The following ARHGEF7 variants were observed in gnomAD, a reference collection of about 807,000 sequenced individuals.
The protein encoded by ARHGEF7 is Rho guanine nucleotide exchange factor 7, also known as PAK-interacting exchange factor beta.
In ARHGEF7, 33 loss-of-function variants were observed where a neutral mutation model predicts 109.8. The observed-to-expected ratio is 0.30, with a 90% CI of 0.23 to 0.40. The LOEUF (loss-of-function observed/expected upper bound fraction) is 0.40, where lower values mean the gene tolerates loss of function less well. Among genes scored for constraint, ARHGEF7 ranks in the 10% least tolerant of loss-of-function variants. ARHGEF7 has a pLI of 1.00. For missense variants in ARHGEF7, 938 were observed against 1,098.5 expected, an observed-to-expected ratio of 0.85 and a Z score of 2.07; for synonymous variants, 458 against 424.6, an observed-to-expected ratio of 1.08 and a Z score of -0.97.
intron 8 of ARHGEF7, among the ~76,000 whole-genome samples, chr13:111,249,280 A>G (rs1330257053): frequency 2.0e-5 from 3 of 152,210 alleles, no homozygotes; most frequent in East Asian, 3.9e-4. Flanking sequence ...CCAAATGTCC[A>G]TCCTTCCCCA....
intron 12 of ARHGEF7, 39 bp from the exon 13 acceptor site, chr13:111,277,548 T>C (rs764738712): frequency 2.2e-6 from 3 of 1,339,144 alleles, no homozygotes; most frequent in Non-Finnish European, 3.2e-6. Flanking sequence ...TAAGTAGATG[T>C]TTTTTAAGAA....
Position 111,238,371 on chromosome 13 carries a change from A to G in ARHGEF7, c.759+5078A>G, listed in dbSNP as rs1446728080. ...GCCCTGACCTGGTAGTATTAAGTGG[A>G]CTGGCAACTGGCCTTAAGGCCTCCA... On this transcript the variant is annotated intron_variant, in intron 6 of 21. Transcript: ENST00000646102. Among the ~76,000 whole-genome samples, 5 of 152,230 alleles carry G rather than the reference A, an allele frequency of 3.3e-5. No homozygotes were observed. In the South Asian group the frequency reaches 6.2e-4, roughly 19 times the overall value.
chr13:111,247,429 C>T (rs1281032353), intron 8 of ARHGEF7, among the ~76,000 whole-genome samples: 1 of 151,988 alleles, frequency 6.6e-6, no homozygotes, highest in East Asian at 1.9e-4. Flanking sequence ...CCACCATGCC[C>T]AGCTAATTTT....
At chr13:111,265,432 T>C in intron 8 of ARHGEF7, 1 of 367,092 alleles carries the variant, frequency 2.7e-6, no homozygotes, top group South Asian at 2.0e-5. Context: ...GAACATGAGG[T>C]TTTTCCTAAT....
intron 5 of ARHGEF7, among the ~76,000 whole-genome samples, chr13:111,220,018 AG>A (rs941419611): frequency 2.0e-5 from 3 of 152,216 alleles, no homozygotes; most frequent in Admixed American, 2.0e-4. Flanking sequence ...GATGCAGTTT[AG>A]TCTGTGACTC....
intron 12 of ARHGEF7, 85 bp from the exon 13 acceptor site, chr13:111,277,502 A>C (rs2092555615): frequency 1.2e-6 from 1 of 801,218 alleles, no homozygotes; most frequent in Admixed American, 2.0e-5. Flanking sequence ...CATAGGGCCT[A>C]GTATAAATAA....
chr13:111,280,248 T>G (rs755928888), intron 13 of ARHGEF7, 24 bp from the exon 14 acceptor site: 12 of 1,591,830 alleles, frequency 7.5e-6, no homozygotes, highest in Middle Eastern at 1.7e-4. Flanking sequence ...TGTTTTTTTT[T>G]TTGTGGGGGG....
chr13:111,214,173 G>A (rs9560010), intron 4 of ARHGEF7, among the ~76,000 whole-genome samples: 25,344 of 152,130 alleles, frequency 0.17, 3,031 homozygotes, highest in East Asian at 0.69. Flanking sequence ...GTCAGTAGGC[G>A]TGCCTCCCTC....
chr13:111,178,005 A>G (rs2078334345), intron 2 of ARHGEF7, among the ~76,000 whole-genome samples: 5 of 152,132 alleles, frequency 3.3e-5, no homozygotes, highest in Admixed American at 3.3e-4. Context: ...TTCTGTGTTC[A>G]CTCAGTGCCT....
chr13:111,266,843 C>G lies in ARHGEF7; in HGVS notation c.951-705C>G, dbSNP rs1312315446. The G allele has an allele frequency of 1.5e-5, 7 of 455,918 alleles. No homozygotes were observed. Among genetic ancestry groups the G allele is most frequent in the Admixed American group, 7.0e-5 (3 of 42,556 alleles). The allele number at this position is 455,918 out of a possible 1,614,324, so 28.2% of individuals were successfully genotyped here. A position where few individuals can be genotyped will look rare whatever the true frequency, so the allele number is the denominator to read the frequency against. The stretch of plus-strand genomic sequence containing the variant: ...TGTTTTCAGCACACGTGCCCCTGCT[C>G]CGGGTTGTTGCTGTTGTCCTTCAGA... On this transcript the variant is annotated intron_variant, in intron 8 of 21. Coordinates refer to ENST00000646102, the MANE Select transcript of ARHGEF7 (RefSeq NM_001354046.2). This position sits in a 1 kb window ranked among gnomAD's most constrained non-coding sequence, Gnocchi z 4.8.
In ARHGEF7 at chr13:111,266,976, C is replaced by G. The variant is rs1270468030; in HGVS notation, c.951-572C>G. 6.7e-6 allele frequency: 3 copies of G among 450,076 alleles called. No individual in the cohort carries two copies. In the Admixed American group the frequency reaches 7.1e-5, roughly 11 times the overall value. The allele number at this position is 450,076 out of a possible 1,614,324, so 27.9% of individuals were successfully genotyped here. A position where few individuals can be genotyped will look rare whatever the true frequency, so the allele number is the denominator to read the frequency against. ...CACAGCTTGTGCCGACTTGTCACCC[C>G]TCATGCAGCTTCCAGTGCTGGTTCT... On this transcript the variant is annotated intron_variant, in intron 8 of 21. Transcript: ENST00000646102. This position sits in a 1 kb window ranked among gnomAD's most constrained non-coding sequence, Gnocchi z 4.8.
intron 13 of ARHGEF7, among the ~76,000 whole-genome samples, chr13:111,278,528 A>G (rs1567054989): frequency 6.6e-6 from 1 of 152,216 alleles, no homozygotes; most frequent in African/African-American, 2.4e-5. Context: ...GCCGACACCC[A>G]GAGAGGACTT....
chr13:111,292,361 C>T (rs376276204), intron 19 of ARHGEF7, 67 bp downstream of exon 19: 77 of 1,596,158 alleles, frequency 4.8e-5, no homozygotes, highest in Non-Finnish European at 6.3e-5. Context: ...TTAACAAATG[C>T]TTGTTGTATC....
At chr13:111,146,576 G>A (rs1289179475) in intron 1 of ARHGEF7, among the ~76,000 whole-genome samples, 1 of 152,132 alleles carries the variant, frequency 6.6e-6, no homozygotes, top group Non-Finnish European at 1.5e-5. Context: ...ATTTTCTACT[G>A]GTGATCTTAA....
intron 2 of ARHGEF7, among the ~76,000 whole-genome samples, chr13:111,185,802 C>G (rs1210026244): frequency 6.6e-6 from 1 of 152,134 alleles, no homozygotes; most frequent in African/African-American, 2.4e-5. Context: ...CCCTCCTCCC[C>G]TGGGTGCTGC....
chr13:111,254,537 A>G (rs1011078845), intron 8 of ARHGEF7, among the ~76,000 whole-genome samples: 17 of 149,602 alleles, frequency 1.1e-4, no homozygotes, highest in African/African-American at 4.2e-4. Context: ...GGCCGGGCTC[A>G]GAAGAGGATT....
intron 8 of ARHGEF7, among the ~76,000 whole-genome samples, chr13:111,260,499 G>A (rs184199632): frequency 2.0e-5 from 3 of 152,312 alleles, no homozygotes; most frequent in Admixed American, 2.0e-4. Context: ...TTTATCCTAG[G>A]ATAGTATATC....
In ARHGEF7 at chr13:111,273,556, C is replaced by T. The variant is rs2092309562; in HGVS notation, c.1074-258C>T. ...GAGGACCTCGCCATCAGTAGGATCTCATGGAGACCCACATGTCCTGTGCTG... is the reference window on the plus strand; with the variant it reads ...GAGGACCTCGCCATCAGTAGGATCTTATGGAGACCCACATGTCCTGTGCTG... On this transcript the variant is annotated intron_variant, in intron 9 of 21. Transcript: ENST00000646102. The surrounding 1 kb of genome is among the most constrained non-coding windows in gnomAD (Gnocchi z 4.5). 6.6e-6 allele frequency among the ~76,000 whole-genome samples: 1 copy of T among 152,226 alleles called. No homozygotes were observed. Among genetic ancestry groups the T allele is most frequent in the Non-Finnish European group, 1.5e-5 (1 of 68,034 alleles).
intron 19 of ARHGEF7, chr13:111,295,084 A>G (rs1474697011): frequency 5.1e-6 from 5 of 983,508 alleles, no homozygotes; most frequent in East Asian, 1.1e-4. Context: ...GTTGCATTGT[A>G]TTGTACAGTA....
Sources: gnomAD v4.1 joint callset for allele counts (sites outside exome capture counted in the v4.1 genomes callset) on GRCh38, gnomAD v4.1.1 for gene constraint, Gnocchi (gnomAD v3.1) non-coding constraint, MANE v1.5 for transcripts, NCBI Gene and HGNC (gene_info 2026-07-23, HGNC 2026-07-21) for gene names.